SGIP1: variants seen among roughly 807,000 people sequenced by gnomAD.
The protein encoded by SGIP1 is SH3GL interacting endocytic adaptor 1.
Under a neutral mutation model 107.5 loss-of-function variants are expected in SGIP1, and 38 were observed. The observed-to-expected ratio is 0.35, with a 90% CI of 0.27 to 0.46. The LOEUF (loss-of-function observed/expected upper bound fraction) is 0.46, where lower values mean the gene tolerates loss of function less well. Ranked by LOEUF, SGIP1 falls within the 20% of genes least tolerant of loss-of-function variation. The pLI is 1.00. For synonymous variants in SGIP1, 365 were observed against 366.1 expected (o/e 1.00, Z 0.03); for missense variants, 929 against 1,019.5 (o/e 0.91, Z 1.21).
chr1:66,549,331 T>C (rs1571169051), intron 1 of SGIP1, among the ~76,000 whole-genome samples: 1 of 152,194 alleles, frequency 6.6e-6, no homozygotes, highest in Non-Finnish European at 1.5e-5. Context: ...TAGATGTACA[T>C]AGTGAGCAAA....
chr1:66,591,057 G>T (rs1293322415), intron 1 of SGIP1, among the ~76,000 whole-genome samples: 1 of 152,126 alleles, frequency 6.6e-6, no homozygotes, highest in Non-Finnish European at 1.5e-5. Flanking sequence ...TTTATATCAT[G>T]CACCCACAGT....
At chr1:66,610,715 ATT>A (rs34048147) in intron 1 of SGIP1, among the ~76,000 whole-genome samples, 76,840 of 150,862 alleles carry the variant, frequency 0.51, 20,480 homozygotes, top group East Asian at 0.91. Flanking sequence ...CATAGTATAG[ATT>A]TTTTTTTTTT....
At chr1:66,594,829 T>A (rs989708865) in intron 1 of SGIP1, among the ~76,000 whole-genome samples, 3 of 152,074 alleles carry the variant, frequency 2.0e-5, no homozygotes, top group African/African-American at 7.2e-5. Flanking sequence ...CCTCACAAGA[T>A]TGTGGGAGAC....
At chr1:66,554,427 C>T (rs995669122) in intron 1 of SGIP1, among the ~76,000 whole-genome samples, 1 of 152,058 alleles carries the variant, frequency 6.6e-6, no homozygotes, top group Non-Finnish European at 1.5e-5. Context: ...TAACCTTTCC[C>T]TTGGTATAAC....
chr1:66,695,255 T>TAAAAAAAAAAAAAAA lies in SGIP1; in HGVS notation c.1571-177_1571-163dup, dbSNP rs570067011. On this transcript the variant is annotated intron_variant, in intron 17 of 24. Transcript: ENST00000371037. ...TGCTTTTGCTTTCTGTTTCCTGAACTAAAAAAAAAAAAAAAAGTGTAGATT... is the reference window on the plus strand; with the variant it reads ...TGCTTTTGCTTTCTGTTTCCTGAACTAAAAAAAAAAAAAAAAAAAAAAAAAAAAAAAGTGTAGATT... 275 of 949,666 alleles carry TAAAAAAAAAAAAAAA rather than the reference T, an allele frequency of 2.9e-4. 10 individuals carry two copies. Among genetic ancestry groups the TAAAAAAAAAAAAAAA allele is most frequent in the East Asian group, 1.5e-3 (39 of 25,434 alleles). 58.8% of individuals were successfully genotyped at this position (949,666 alleles called of 1,614,324 possible).
At chr1:66,684,514 T>C (rs1170502580) in intron 15 of SGIP1, among the ~76,000 whole-genome samples, 1 of 152,198 alleles carries the variant, frequency 6.6e-6, no homozygotes, top group East Asian at 1.9e-4. Flanking sequence ...ACTCGTCCGT[T>C]ATAAAAGAGG....
chr1:66,750,034 GGGGTGT>G lies in SGIP1; in HGVS notation c.*6941_*6946del, dbSNP rs149404321. 0.42 allele frequency among the ~76,000 whole-genome samples: 38,199 copies of G among 91,990 alleles called. 4,894 individuals carry two copies. The highest frequency in any genetic ancestry group is 0.46 in the Non-Finnish European group (17,844 of 38,578). The allele number at this position is 91,990 out of a possible 152,430, so 60.3% of individuals were successfully genotyped here. Reference sequence around the variant, plus strand: ...CTCTCTCTTTCTCTGTGTGTGTGTGGGGGTGTGTGTGTGTGTGTGTGTGTGTGTGTG... The same window carrying G: ...CTCTCTCTTTCTCTGTGTGTGTGTGGGTGTGTGTGTGTGTGTGTGTGTGTG... On this transcript the variant is annotated 3_prime_UTR_variant, in exon 25 of 25. Transcript: ENST00000371037.
intron 14 of SGIP1, among the ~76,000 whole-genome samples, chr1:66,680,115 G>A (rs1415088116): frequency 2.6e-5 from 4 of 152,188 alleles, no homozygotes; most frequent in Admixed American, 1.3e-4. Context: ...TCAAAGCACA[G>A]TTGGTATTTT....
chr1:66,622,726 C>T (rs1024469309), intron 1 of SGIP1, among the ~76,000 whole-genome samples: 1 of 152,152 alleles, frequency 6.6e-6, no homozygotes, highest in African/African-American at 2.4e-5. Flanking sequence ...GAGAACCATT[C>T]TAACCCCAGA....
rs568667061 is a variant in SGIP1, at chr1:66,576,753, C to T, written c.10+42385C>T. Among the ~76,000 whole-genome samples, 13 of 152,286 alleles carry T rather than the reference C, an allele frequency of 8.5e-5. No homozygotes were observed. The South Asian group carries it at 1.5e-3, about 17-fold the overall frequency. ...TCCCTCCTCTCAGAGTAGATAAGAA[C>T]GGTACTGGCCACAAGCCAGACTCCT... On this transcript the variant is annotated intron_variant, in intron 1 of 24. Transcript: ENST00000371037.
chr1:66,661,703 T>C (rs1053819100), intron 8 of SGIP1, among the ~76,000 whole-genome samples: 2 of 152,232 alleles, frequency 1.3e-5, no homozygotes, highest in African/African-American at 4.8e-5. Context: ...ATTTCATTTA[T>C]TCTTGTAGAC....
intron 1 of SGIP1, among the ~76,000 whole-genome samples, chr1:66,587,908 AG>A (rs1188271896): frequency 2.0e-5 from 3 of 152,174 alleles, no homozygotes; most frequent in Non-Finnish European, 4.4e-5. Context: ...TCTCAATAAA[AG>A]CATCTACTTC....
chr1:66,729,137 T>TA (rs980461787), intron 19 of SGIP1, 127 bp from the exon 20 acceptor site: 1 of 1,090,872 alleles, frequency 9.2e-7, no homozygotes, highest in African/African-American at 1.6e-5. Flanking sequence ...AATGGAATTG[T>TA]AAGAGCCTGC....
intron 1 of SGIP1, among the ~76,000 whole-genome samples, chr1:66,597,638 C>A (rs543603685): frequency 6.6e-6 from 1 of 152,122 alleles, no homozygotes; most frequent in African/African-American, 2.4e-5. Context: ...CCTCAGAATC[C>A]TTCTCAACAC....
intron 3 of SGIP1, 101 bp downstream of exon 3, chr1:66,633,195 C>A (rs1436062181): frequency 1.3e-6 from 1 of 772,274 alleles, no homozygotes; most frequent in South Asian, 1.6e-5. Flanking sequence ...AAAAAAATAG[C>A]TTGAATGACT....
chr1:66,727,368 G>A (rs1055934592), intron 19 of SGIP1, among the ~76,000 whole-genome samples: 5 of 152,192 alleles, frequency 3.3e-5, no homozygotes, highest in African/African-American at 1.2e-4. Context: ...ACTCACCTAT[G>A]AGAATGGCTA....
chr1:66,563,912 T>C (rs967748115), intron 1 of SGIP1, among the ~76,000 whole-genome samples: 5 of 151,982 alleles, frequency 3.3e-5, no homozygotes, highest in Non-Finnish European at 5.9e-5. Flanking sequence ...AGGGGCAAAT[T>C]GTAACGCAGA....
chr1:66,690,156 A>G lies in SGIP1; in HGVS notation c.1444-34A>G, dbSNP rs946221981. On this transcript the variant is annotated intron_variant, in intron 16 of 24. Coordinates refer to ENST00000371037, the MANE Select transcript of SGIP1 (RefSeq NM_032291.4). ...GGAGCAAAAATACTGCAACCTGTGT[A>G]TCTAACTTTTCATCTCTTTTCTTCT... is the stretch of plus-strand genomic sequence containing the variant. 3 of 1,607,274 alleles carry G rather than the reference A, an allele frequency of 1.9e-6. No homozygotes were observed. The African/African-American group carries it at 4.1e-5, about 22-fold the overall frequency.
At chr1:66,705,804 A>C (rs2092448675) in intron 18 of SGIP1, among the ~76,000 whole-genome samples, 1 of 152,190 alleles carries the variant, frequency 6.6e-6, no homozygotes, top group African/African-American at 2.4e-5. Flanking sequence ...CTCACTCATA[A>C]GTAGGAGTTG....
Sources: allele counts gnomAD v4.1 joint callset (sites outside exome capture counted in the v4.1 genomes callset), GRCh38; gene constraint gnomAD v4.1.1; transcripts MANE v1.5; gene names NCBI Gene and HGNC (gene_info 2026-07-23, HGNC 2026-07-21).